The following FAM216A variants were observed in gnomAD, a reference collection of about 807,000 sequenced individuals.
FAM216A encodes protein FAM216A.
Under a neutral mutation model 37.6 loss-of-function variants are expected in FAM216A, and 26 were observed. The observed-to-expected ratio is 0.69, with a 90% CI of 0.51 to 0.96. The LOEUF (loss-of-function observed/expected upper bound fraction) is 0.96, where lower values mean the gene tolerates loss of function less well. Among genes scored for constraint, FAM216A ranks in the 40% least tolerant of loss-of-function variants. The pLI, the probability that FAM216A is intolerant of heterozygous loss-of-function variation, is 0.00. For missense variants in FAM216A, 326 were observed against 339.3 expected, an observed-to-expected ratio of 0.96 and a Z score of 0.31; for synonymous variants, 110 against 121.7, an observed-to-expected ratio of 0.90 and a Z score of 0.64.
intron 2 of FAM216A, among the ~76,000 whole-genome samples, chr12:110,477,199 G>A (rs1352728377): frequency 6.6e-6 from 1 of 152,108 alleles, no homozygotes; most frequent in Non-Finnish European, 1.5e-5. Flanking sequence ...TGTTGTCATC[G>A]TTTGGTTCAG....
intron 2 of FAM216A, among the ~76,000 whole-genome samples, chr12:110,476,361 C>T (rs1267138368): frequency 5.9e-5 from 9 of 151,868 alleles, no homozygotes; most frequent in East Asian, 1.9e-4. Context: ...CACCACGCCC[C>T]GCTAATTGTT....
Position 110,478,887 on chromosome 12 carries a change from A to T in FAM216A, c.184+5769A>T, listed in dbSNP as rs564159324. 1.6e-4 allele frequency among the ~76,000 whole-genome samples: 24 copies of T among 152,108 alleles called. 3 individuals are homozygous for T. The South Asian group carries it at 4.4e-3, about 28-fold the overall frequency. On this transcript the variant is annotated intron_variant, in intron 2 of 6. Transcript: ENST00000377673. ...TGAAACTAACATAGAGCCCCTTTTT[A>T]AAAAATTGTATATATTTAAGGCCGG... is the stretch of plus-strand genomic sequence containing the variant.
intron 1 of FAM216A, among the ~76,000 whole-genome samples, chr12:110,472,103 G>C (rs1317299059): frequency 6.6e-6 from 1 of 151,908 alleles, no homozygotes; most frequent in Admixed American, 6.6e-5. Flanking sequence ...GTGGTGGCGG[G>C]CACCTGTAAT....
intron 2 of FAM216A, among the ~76,000 whole-genome samples, chr12:110,484,789 T>C (rs2062767239): frequency 6.6e-6 from 1 of 151,848 alleles, no homozygotes; most frequent in African/African-American, 2.4e-5. Flanking sequence ...GTCTCACTCT[T>C]TCGCCCAGGC....
intron 1 of FAM216A, among the ~76,000 whole-genome samples, chr12:110,471,337 C>T (rs2062686092): frequency 6.6e-6 from 1 of 152,332 alleles, no homozygotes; most frequent in South Asian, 2.1e-4. Flanking sequence ...GATCCACCCG[C>T]CTCGGCCTCC....
intron 1 of FAM216A, among the ~76,000 whole-genome samples, chr12:110,469,582 T>G (rs1331165186): frequency 6.6e-6 from 1 of 152,066 alleles, no homozygotes; most frequent in Admixed American, 6.6e-5. Context: ...CGATCTCAGC[T>G]CACTGCAACC....
intron 1 of FAM216A, 123 bp downstream of exon 1, chr12:110,469,141 T>G: frequency 1.7e-6 from 2 of 1,145,158 alleles, no homozygotes; most frequent in Non-Finnish European, 2.3e-6. Flanking sequence ...CTGGCCCCGG[T>G]GCCCTCAAGT....
intron 2 of FAM216A, among the ~76,000 whole-genome samples, chr12:110,483,525 T>C (rs1441659620): frequency 6.6e-6 from 1 of 151,600 alleles, no homozygotes; most frequent in African/African-American, 2.4e-5. Flanking sequence ...CACAACTGTT[T>C]TTAAAACAAT....
chr12:110,472,611 A>T (rs2062692890), intron 1 of FAM216A, among the ~76,000 whole-genome samples: 2 of 152,168 alleles, frequency 1.3e-5, no homozygotes, highest in Admixed American at 1.3e-4. Context: ...CCAGAATTAT[A>T]GGAAAAAATT....
At chr12:110,480,121 G>A (rs1486873142) in intron 2 of FAM216A, among the ~76,000 whole-genome samples, 2 of 149,240 alleles carry the variant, frequency 1.3e-5, no homozygotes, top group African/African-American at 4.9e-5. Context: ...TGCCTCCTGA[G>A]TTCAAGCGAT....
intron 1 of FAM216A, among the ~76,000 whole-genome samples, chr12:110,469,804 C>A (rs1162216128): frequency 1.3e-5 from 2 of 152,108 alleles, no homozygotes; most frequent in African/African-American, 4.8e-5. Context: ...CCATTGCGCC[C>A]GACCTCAAAC....
intron 1 of FAM216A, chr12:110,469,411 C>T (rs2062665787): frequency 4.9e-6 from 1 of 205,006 alleles, no homozygotes; most frequent in African/African-American, 2.3e-5. Context: ...TCCCCCGGTT[C>T]AACTGGGGGC....
At chr12:110,485,756 T>C (rs2062773613) in intron 3 of FAM216A, among the ~76,000 whole-genome samples, 2 of 152,222 alleles carry the variant, frequency 1.3e-5, no homozygotes, top group South Asian at 4.1e-4. Context: ...ACTTACCATG[T>C]ATTCAGTAAA....
At chr12:110,469,398 A>T (rs1297544228) in intron 1 of FAM216A, 2 of 210,658 alleles carry the variant, frequency 9.5e-6, no homozygotes, top group African/African-American at 4.6e-5. Context: ...GAGGAGGAAG[A>T]TGTCCCCCGG....
At chr12:110,477,580 T>C (rs2062721800) in intron 2 of FAM216A, among the ~76,000 whole-genome samples, 1 of 152,002 alleles carries the variant, frequency 6.6e-6, no homozygotes, top group Non-Finnish European at 1.5e-5. Flanking sequence ...ATGGTGTCTA[T>C]CTCCTGACCT....
intron 5 of FAM216A, chr12:110,487,631 G>A (rs925537530): frequency 2.5e-5 from 12 of 481,776 alleles, no homozygotes; most frequent in African/African-American, 2.0e-4. Flanking sequence ...GTTATGCACA[G>A]GGGAATACTA....
At chr12:110,489,661 G>C (rs137939976) in intron 6 of FAM216A, among the ~76,000 whole-genome samples, 25 of 151,988 alleles carry the variant, frequency 1.6e-4, no homozygotes, top group African/African-American at 3.4e-4. Context: ...GAAACTGTAG[G>C]GGGGGGAGTC....
rs2062776614 is a variant in FAM216A at position 110,486,387 on chromosome 12, A to T, written c.369A>T (p.Ala123=). The change falls in exon 4 of 7, where the codon GCA becomes GCT. Residue 123 remains alanine, a synonymous_variant. Transcript: ENST00000377673. ...YLCSIAKIYN[A]NYLKMLMKRQ... ...GCAGCATTGCTAAAATCTATAATGC[A>T]AACTATCTGAAGATGTTAATGAAGA... The T allele has an allele frequency of 1.9e-6, 3 of 1,613,988 alleles. No homozygotes were observed. The highest frequency in any genetic ancestry group is 1.3e-5 in the African/African-American group (1 of 74,950).
At chr12:110,486,213 A>C in intron 3 of FAM216A, 112 bp from the exon 4 acceptor site, 1 of 1,174,798 alleles carries the variant, frequency 8.5e-7, no homozygotes, top group Non-Finnish European at 1.2e-6. Context: ...GAATTTGCTA[A>C]AGTAAAATAC....
Sources: allele counts gnomAD v4.1 joint callset (sites outside exome capture counted in the v4.1 genomes callset), GRCh38; gene constraint gnomAD v4.1.1; transcripts MANE v1.5; gene names NCBI Gene and HGNC (gene_info 2026-07-23, HGNC 2026-07-21).